Variants in CLIP4 observed in about 807,000 individuals in gnomAD.
CLIP4 encodes CAP-Gly domain containing linker protein family member 4.
CLIP4 carries 47 observed loss-of-function variants against 73.1 expected under a neutral mutation model. The ratio of observed to expected loss-of-function variants is 0.64; its 90% CI spans 0.51 to 0.82. The LOEUF (loss-of-function observed/expected upper bound fraction) is 0.82. CLIP4 is among the 40% of genes least tolerant of loss of function. The pLI is 0.00. For missense variants in CLIP4, 874 were observed against 852.9 expected (o/e 1.02, Z -0.31); for synonymous variants, 306 against 295.4 (o/e 1.04, Z -0.37).
At chr2:29,108,150 A>G (rs1234497025) in intron 1 of CLIP4, among the ~76,000 whole-genome samples, 1 of 152,204 alleles carries the variant, frequency 6.6e-6, no homozygotes, top group Non-Finnish European at 1.5e-5. Context: ...TGTACTATGT[A>G]TTTTCCTAAA....
At chr2:29,149,151 T>G (rs1427507891) in intron 8 of CLIP4, among the ~76,000 whole-genome samples, 1 of 152,198 alleles carries the variant, frequency 6.6e-6, no homozygotes, top group African/African-American at 2.4e-5. Context: ...AGGCAGTGTG[T>G]AAGCAGATGG....
chr2:29,174,200 A>G (rs986413025), intron 14 of CLIP4, among the ~76,000 whole-genome samples, 173 bp from the exon 15 acceptor site: 1 of 152,056 alleles, frequency 6.6e-6, no homozygotes, highest in African/African-American at 2.4e-5. Flanking sequence ...CAGTCTTCCC[A>G]CTAGGCCTCC....
At chr2:29,150,586 A>G (rs1210377601) in intron 8 of CLIP4, among the ~76,000 whole-genome samples, 2 of 151,614 alleles carry the variant, frequency 1.3e-5, no homozygotes, top group East Asian at 3.9e-4. Flanking sequence ...CTGTATTCAC[A>G]CATACAATTT....
chr2:29,125,818 A>G (rs986714956), intron 2 of CLIP4, among the ~76,000 whole-genome samples: 1 of 152,074 alleles, frequency 6.6e-6, no homozygotes, highest in Non-Finnish European at 1.5e-5. Context: ...TCATTATTCC[A>G]TCTTGACTTA....
chr2:29,114,153 T>A (rs916186604), upstream of CLIP4: 37 of 152,218 alleles, frequency 2.4e-4, no homozygotes, highest in African/African-American at 8.4e-4. Context: ...TCCTAGCAAC[T>A]ATTTTGATAT....
chr2:29,130,852 A>G, intron 2 of CLIP4: 1 of 1,289,920 alleles, frequency 7.8e-7, no homozygotes, highest in Non-Finnish European at 1.0e-6. Flanking sequence ...AATGAGTCCC[A>G]CTACTTATGC....
chr2:29,122,984 G>A (rs570247087), intron 2 of CLIP4, among the ~76,000 whole-genome samples: 26 of 151,994 alleles, frequency 1.7e-4, no homozygotes, highest in Non-Finnish European at 2.9e-4. Flanking sequence ...TTCAATAGTG[G>A]GAAACTAACA....
chr2:29,176,732 T>C (rs1395285730), intron 15 of CLIP4, among the ~76,000 whole-genome samples: 1 of 152,160 alleles, frequency 6.6e-6, no homozygotes, highest in African/African-American at 2.4e-5. Flanking sequence ...GGGATCTGTC[T>C]CCTGTCCTGT....
In CLIP4 at chr2:29,152,696, C is replaced by T. The variant is rs142356318; in HGVS notation, c.1033C>T (p.Pro345Ser). Reference sequence around the variant, plus strand: ...GCATTCTCCCTTAGGTATTTTTGCACCTCTTTCAAAGATAAGTAAAGCAAA... The same window carrying T: ...GCATTCTCCCTTAGGTATTTTTGCATCTCTTTCAAAGATAAGTAAAGCAAA... ...KCAPKYGIFA[P>S]LSKISKAKGR... The change falls in exon 9 of 16, where the codon CCT (proline) becomes TCT (serine). Residue 345 changes from proline to serine, a missense_variant. Transcript: ENST00000320081. The T allele has an allele frequency of 1.3e-4, 211 of 1,612,412 alleles. No individual in the cohort carries two copies. The highest frequency in any genetic ancestry group is 1.7e-4 in the Non-Finnish European group (204 of 1,179,430).
At position 29,183,332 on chromosome 2, in the gene CLIP4, G is replaced by A. The variant is rs1037204399; in HGVS notation, c.*1439G>A. 5 of 152,510 alleles carry A rather than the reference G, an allele frequency of 3.3e-5. No homozygotes were observed. Among genetic ancestry groups the A allele is most frequent in the African/African-American group, 9.7e-5 (4 of 41,412 alleles). 9.4% of individuals were successfully genotyped at this position (152,510 alleles called of 1,614,324 possible). On this transcript the variant is annotated 3_prime_UTR_variant, in exon 16 of 16. Transcript: ENST00000320081. ...TTTTAAATCTAAATTCTGTCACTTC[G>A]CTGCCTTTTTAAAATAGTGTGGTAT...
chr2:29,133,543 G>T, intron 4 of CLIP4, 112 bp from the exon 5 acceptor site: 1 of 917,550 alleles, frequency 1.1e-6, no homozygotes. Context: ...TTTTTGAAGT[G>T]TGTCTATACA....
intron 2 of CLIP4, among the ~76,000 whole-genome samples, chr2:29,128,490 T>A (rs950755441): frequency 6.6e-6 from 1 of 151,978 alleles, no homozygotes; most frequent in African/African-American, 2.4e-5. Flanking sequence ...GAGAGAAACT[T>A]AATCAAAGAC....
chr2:29,168,953 G>C (rs112353228), intron 14 of CLIP4, among the ~76,000 whole-genome samples: 1 of 151,072 alleles, frequency 6.6e-6, no homozygotes, highest in Non-Finnish European at 1.5e-5. Flanking sequence ...TTTGTGTATG[G>C]TAAGTATCTA....
At chr2:29,102,734 T>A (rs1241437749) in intron 1 of CLIP4, among the ~76,000 whole-genome samples, 1 of 152,088 alleles carries the variant, frequency 6.6e-6, no homozygotes, top group Non-Finnish European at 1.5e-5. Flanking sequence ...CAAGTGATTC[T>A]CCTGCCTTAG....
intron 1 of CLIP4, chr2:29,097,960 A>G (rs1667923642): frequency 6.6e-6 from 1 of 152,240 alleles, no homozygotes; most frequent in South Asian, 2.1e-4. Flanking sequence ...AAGTCTCACT[A>G]GAAAACCAAT....
At chr2:29,106,658 A>G (rs918839097) in intron 1 of CLIP4, among the ~76,000 whole-genome samples, 2 of 152,170 alleles carry the variant, frequency 1.3e-5, no homozygotes. Context: ...TCTCTATTTT[A>G]CTAGGAAACA....
At chr2:29,112,318 T>C (rs981942002), upstream of CLIP4, among the ~76,000 whole-genome samples, 4 of 152,232 alleles carry the variant, frequency 2.6e-5, no homozygotes, top group African/African-American at 9.6e-5. Context: ...TGCCATAACA[T>C]TTACTTTGGA....
intron 1 of CLIP4, among the ~76,000 whole-genome samples, chr2:29,107,358 GTTTTTTTTTTTTTTTTTT>G (rs796180363): frequency 6.1e-5 from 4 of 65,352 alleles, no homozygotes; most frequent in African/African-American, 1.0e-4. Flanking sequence ...GAACATGATA[GTTTTTTTTTTTTTTTTTT>G]TTTTTTTTTT....
intron 15 of CLIP4, among the ~76,000 whole-genome samples, chr2:29,181,158 A>G (rs1227855684): frequency 1.3e-5 from 2 of 152,238 alleles, no homozygotes; most frequent in African/African-American, 4.8e-5. Context: ...TATAGTATGT[A>G]CTGTATTTTT....
Sources: allele counts gnomAD v4.1 joint callset (sites outside exome capture counted in the v4.1 genomes callset), GRCh38; gene constraint gnomAD v4.1.1; transcripts MANE v1.5; gene names NCBI Gene and HGNC (gene_info 2026-07-23, HGNC 2026-07-21).